GRM8: variants seen among roughly 807,000 people sequenced by gnomAD.
GRM8 encodes the protein glutamate metabotropic receptor 8.
Under a neutral mutation model 87.2 loss-of-function variants are expected in GRM8, and 47 were observed. The observed-to-expected ratio is 0.54, with a 90% CI of 0.43 to 0.69. The LOEUF is 0.69. Ranked by LOEUF, GRM8 falls within the 30% of genes least tolerant of loss-of-function variation. The pLI is 0.00. For missense variants in GRM8, 1,019 were observed against 1,139.2 expected (o/e 0.89, Z 1.52); for synonymous variants, 396 against 404.5 (o/e 0.98, Z 0.25).
At chr7:126,989,598 GTATC>G (rs1812434440) in intron 3 of GRM8, among the ~76,000 whole-genome samples, 1 of 152,056 alleles carries the variant, frequency 6.6e-6, no homozygotes, top group South Asian at 2.1e-4. Context: ...ACGCACTACT[GTATC>G]CACTTCAAGG....
At chr7:126,796,407 C>A (rs1018970207) in intron 6 of GRM8, among the ~76,000 whole-genome samples, 2 of 152,000 alleles carry the variant, frequency 1.3e-5, no homozygotes, top group African/African-American at 4.8e-5. Flanking sequence ...ATAATTAATC[C>A]ACTTCTTTAA....
intron 6 of GRM8, among the ~76,000 whole-genome samples, chr7:126,789,796 A>G (rs1821076992): frequency 6.6e-6 from 1 of 152,192 alleles, no homozygotes; most frequent in African/African-American, 2.4e-5. Flanking sequence ...TATGTTTTCC[A>G]TTAAGTTCCT....
intron 6 of GRM8, among the ~76,000 whole-genome samples, chr7:126,827,929 T>C (rs1794981956): frequency 6.6e-6 from 1 of 152,230 alleles, no homozygotes; most frequent in African/African-American, 2.4e-5. Flanking sequence ...GAAGGGTTGT[T>C]GAATTTTGTC....
intron 3 of GRM8, among the ~76,000 whole-genome samples, chr7:126,945,225 C>T (rs1434839465): frequency 6.6e-6 from 1 of 152,092 alleles, no homozygotes; most frequent in East Asian, 1.9e-4. Flanking sequence ...AATAAATAAG[C>T]AATTAATAAA....
intron 7 of GRM8, among the ~76,000 whole-genome samples, chr7:126,706,896 C>T (rs143981543): frequency 4.6e-4 from 70 of 152,240 alleles, no homozygotes; most frequent in African/African-American, 1.6e-3. Context: ...CCATGTCTAC[C>T]ACAAAGGTAG....
At chr7:126,451,016 C>T (rs889902382) in intron 9 of GRM8, among the ~76,000 whole-genome samples, 2 of 151,804 alleles carry the variant, frequency 1.3e-5, no homozygotes, top group Middle Eastern at 3.2e-3. Context: ...TGCTCTGCCA[C>T]GAATGTTTTG....
At chr7:126,952,067 T>C (rs1404533768) in intron 3 of GRM8, among the ~76,000 whole-genome samples, 1 of 151,684 alleles carries the variant, frequency 6.6e-6, no homozygotes, top group South Asian at 2.1e-4. Flanking sequence ...AAGTGATTGA[T>C]TTCAGGACTA....
intron 3 of GRM8, among the ~76,000 whole-genome samples, chr7:126,979,673 A>AT (rs1472628507): frequency 6.6e-6 from 1 of 152,156 alleles, no homozygotes. Flanking sequence ...GAGTAAACTC[A>AT]TTTTTACTGC....
intron 6 of GRM8, among the ~76,000 whole-genome samples, chr7:126,865,339 T>C (rs980071815): frequency 1.3e-5 from 2 of 152,210 alleles, no homozygotes; most frequent in African/African-American, 4.8e-5. Flanking sequence ...CATATCACTT[T>C]TGGTGTTTCC....
rs184663783 is a variant in GRM8, at chr7:126,840,536, G to A, written c.1156+62006C>T. Among the ~76,000 whole-genome samples, 906 of 152,118 alleles carry A rather than the reference G, an allele frequency of 6.0e-3. 4 individuals carry two copies. Among genetic ancestry groups the A allele is most frequent in the Non-Finnish European group, 9.0e-3 (615 of 67,976 alleles). On this transcript the variant is annotated intron_variant, in intron 6 of 10. Transcript: ENST00000339582. The stretch of plus-strand genomic sequence containing the variant: ...ATTATATTGTTATCATAACCACGTG[G>A]CTTATAAAGATATGCAGACACTAAT...
At chr7:126,832,123 A>T (rs1305847553) in intron 6 of GRM8, among the ~76,000 whole-genome samples, 2 of 151,750 alleles carry the variant, frequency 1.3e-5, no homozygotes, top group Admixed American at 6.6e-5. Flanking sequence ...TCATGACTAG[A>T]ACTCAGATCA....
chr7:126,692,544 G>A (rs1281063910), intron 7 of GRM8, among the ~76,000 whole-genome samples: 1 of 152,210 alleles, frequency 6.6e-6, no homozygotes, highest in Admixed American at 6.5e-5. Context: ...CATGGAAGGT[G>A]TGTTCAATAT....
chr7:126,919,075 C>T (rs768763326), intron 3 of GRM8, among the ~76,000 whole-genome samples: 69 of 151,880 alleles, frequency 4.5e-4, no homozygotes, highest in Non-Finnish European at 8.8e-4. Flanking sequence ...AGCAGCTTAG[C>T]TTGTTTAAAA....
intron 6 of GRM8, among the ~76,000 whole-genome samples, chr7:126,886,007 T>G (rs370962097): frequency 1.3e-5 from 2 of 152,148 alleles, no homozygotes; most frequent in South Asian, 4.1e-4. Flanking sequence ...GGGGTGATTA[T>G]GGTGGTGTAA....
intron 6 of GRM8, among the ~76,000 whole-genome samples, chr7:126,832,899 G>A (rs1177646778): frequency 1.3e-5 from 2 of 152,184 alleles, no homozygotes; most frequent in Non-Finnish European, 2.9e-5. Flanking sequence ...TTAACATGCT[G>A]TTTTAATTTC....
At chr7:126,874,081 T>C (rs1357847098) in intron 6 of GRM8, among the ~76,000 whole-genome samples, 1 of 152,104 alleles carries the variant, frequency 6.6e-6, no homozygotes, top group Non-Finnish European at 1.5e-5. Context: ...TCATTTGTGT[T>C]GTCAAATTCC....
intron 3 of GRM8, among the ~76,000 whole-genome samples, chr7:127,048,477 C>T (rs1204066651): frequency 6.6e-6 from 1 of 152,208 alleles, no homozygotes; most frequent in African/African-American, 2.4e-5. Flanking sequence ...AAAGGCTTAC[C>T]TTTGGCCATT....
At chr7:126,488,590 T>C (rs1001281673) in intron 9 of GRM8, among the ~76,000 whole-genome samples, 1 of 152,030 alleles carries the variant, frequency 6.6e-6, no homozygotes, top group African/African-American at 2.4e-5. Context: ...TTCTTCCCAA[T>C]ATTTACAATA....
chr7:127,224,306 A>G (rs1368045213), intron 2 of GRM8, among the ~76,000 whole-genome samples: 1 of 152,234 alleles, frequency 6.6e-6, no homozygotes, highest in East Asian at 1.9e-4. Flanking sequence ...GTAGCCAGAG[A>G]GAAATGATGC....
Sources: gnomAD v4.1 joint callset for allele counts (sites outside exome capture counted in the v4.1 genomes callset) on GRCh38, gnomAD v4.1.1 for gene constraint, MANE v1.5 for transcripts, NCBI Gene and HGNC (gene_info 2026-07-23, HGNC 2026-07-21) for gene names.